Variants in LDLRAD3 observed in about 807,000 individuals in gnomAD.
LDLRAD3 encodes the protein low-density lipoprotein receptor class A domain-containing protein 3.
LDLRAD3 carries 20 observed loss-of-function variants against 29.4 expected under a neutral mutation model. That is an observed-to-expected ratio of 0.68 (90% CI 0.48 to 0.99). The LOEUF (loss-of-function observed/expected upper bound fraction) is 0.99. LDLRAD3 is among the 50% of genes least tolerant of loss of function. The probability of loss-of-function intolerance (pLI) is 0.00; values close to 1 mark genes in which losing one functional copy is unlikely to be tolerated. For synonymous variants in LDLRAD3, 157 were observed against 192.7 expected (o/e 0.81, Z 1.53); for missense variants, 420 against 454.3 (o/e 0.92, Z 0.69).
intron 2 of LDLRAD3, among the ~76,000 whole-genome samples, chr11:36,058,413 G>A (rs1041700714): frequency 1.2e-4 from 19 of 152,124 alleles, no homozygotes; most frequent in Non-Finnish European, 2.1e-4. Flanking sequence ...ATAGGTCTGC[G>A]TCTCTGTCAG....
intron 1 of LDLRAD3, among the ~76,000 whole-genome samples, chr11:35,957,811 A>AG (rs1487060564): frequency 0.018 from 2,597 of 142,618 alleles, 80 homozygotes; most frequent in African/African-American, 0.066. Flanking sequence ...AAAAAAAAAA[A>AG]AAAAGAAAAG....
At chr11:35,980,782 T>C (rs1478367450) in intron 1 of LDLRAD3, among the ~76,000 whole-genome samples, 1 of 152,246 alleles carries the variant, frequency 6.6e-6, no homozygotes, top group African/African-American at 2.4e-5. Context: ...TGAGAGTTTC[T>C]ACTTAGAGGT....
intron 3 of LDLRAD3, among the ~76,000 whole-genome samples, chr11:36,088,132 G>A (rs1436332554): frequency 2.6e-5 from 4 of 152,092 alleles, no homozygotes; most frequent in Non-Finnish European, 5.9e-5. Flanking sequence ...TGGAATTACA[G>A]GTGTGAGCCA....
chr11:36,020,035 C>A (rs1852075778), intron 1 of LDLRAD3, among the ~76,000 whole-genome samples: 1 of 152,152 alleles, frequency 6.6e-6, no homozygotes, highest in Non-Finnish European at 1.5e-5. Flanking sequence ...GCAGCTGTGT[C>A]AGATGATGCT....
chr11:36,226,316 G>C (rs1855497942), intron 4 of LDLRAD3, among the ~76,000 whole-genome samples: 1 of 152,142 alleles, frequency 6.6e-6, no homozygotes, highest in Non-Finnish European at 1.5e-5. Context: ...AGGAGTTCCT[G>C]CTGTTAGCCT....
At chr11:36,180,268 C>CT (rs1295114156) in intron 4 of LDLRAD3, among the ~76,000 whole-genome samples, 4 of 151,874 alleles carry the variant, frequency 2.6e-5, no homozygotes, top group Admixed American at 2.0e-4. Context: ...GCCCAGAGGA[C>CT]CTGAGTTGCA....
At chr11:35,951,088 T>C (rs555898035) in intron 1 of LDLRAD3, among the ~76,000 whole-genome samples, 1 of 151,382 alleles carries the variant, frequency 6.6e-6, no homozygotes, top group Admixed American at 6.6e-5. Context: ...TCTCAAAAAA[T>C]AAAAAATTAA....
chr11:36,110,408 G>T (rs372535331), intron 4 of LDLRAD3, among the ~76,000 whole-genome samples: 3 of 152,198 alleles, frequency 2.0e-5, no homozygotes, highest in East Asian at 3.9e-4. Flanking sequence ...ACCTGGCAGA[G>T]TGTGATTCCT....
At chr11:36,158,515 A>C in intron 4 of LDLRAD3, among the ~76,000 whole-genome samples, 4 of 107,700 alleles carry the variant, frequency 3.7e-5, no homozygotes, top group Admixed American at 2.0e-4. Flanking sequence ...TCCACTTACC[A>C]TGTTCTGGGC....
chr11:36,210,853 T>C (rs1037623588), intron 4 of LDLRAD3, among the ~76,000 whole-genome samples: 1 of 152,238 alleles, frequency 6.6e-6, no homozygotes, highest in Non-Finnish European at 1.5e-5. Flanking sequence ...AGCTTACTTC[T>C]ACAGATAACA....
intron 4 of LDLRAD3, among the ~76,000 whole-genome samples, chr11:36,099,211 T>A (rs1269033339): frequency 6.6e-6 from 1 of 152,162 alleles, no homozygotes; most frequent in Non-Finnish European, 1.5e-5. Flanking sequence ...GATGGGAAGA[T>A]GAGCTTTGTT....
intron 1 of LDLRAD3, among the ~76,000 whole-genome samples, chr11:35,945,021 C>G (rs930954772): frequency 3.9e-5 from 6 of 152,220 alleles, no homozygotes; most frequent in African/African-American, 1.4e-4. Flanking sequence ...GCCCGCCGCC[C>G]ACAGCTGTCA....
chr11:36,195,518 A>T (rs952889269), intron 4 of LDLRAD3, among the ~76,000 whole-genome samples: 1 of 152,166 alleles, frequency 6.6e-6, no homozygotes, highest in Non-Finnish European at 1.5e-5. Context: ...CCTTTTGAAC[A>T]TTCAAGTAGC....
chr11:36,034,952 A>G (rs867758728), intron 1 of LDLRAD3, among the ~76,000 whole-genome samples: 3 of 152,304 alleles, frequency 2.0e-5, no homozygotes, highest in Middle Eastern at 3.4e-3. Flanking sequence ...AGGTTTATGA[A>G]AGAGAATCAG....
chr11:36,043,728 A>T (rs1007448892), intron 2 of LDLRAD3, among the ~76,000 whole-genome samples: 13 of 152,170 alleles, frequency 8.5e-5, no homozygotes, highest in African/African-American at 9.7e-5. Context: ...TATGAGTGAG[A>T]TGTCCGGTTT....
intron 4 of LDLRAD3, among the ~76,000 whole-genome samples, chr11:36,100,067 G>A (rs964211400): frequency 1.3e-5 from 2 of 152,044 alleles, no homozygotes; most frequent in Non-Finnish European, 2.9e-5. Flanking sequence ...TGGTGTCGGT[G>A]GGCCCAGCCA....
chr11:35,954,239 G>T (rs2133128087), intron 1 of LDLRAD3, among the ~76,000 whole-genome samples: 1 of 152,272 alleles, frequency 6.6e-6, no homozygotes, highest in African/African-American at 2.4e-5. Context: ...GTCAGAGATG[G>T]TACAAAATAT....
intron 1 of LDLRAD3, among the ~76,000 whole-genome samples, chr11:36,013,363 A>G (rs914252317): frequency 6.6e-6 from 1 of 152,120 alleles, no homozygotes; most frequent in Non-Finnish European, 1.5e-5. Flanking sequence ...ATAGGTATAC[A>G]TGTGCCATGG....
chr11:36,172,596 G>GT (rs1854613238), intron 4 of LDLRAD3, among the ~76,000 whole-genome samples: 1 of 152,018 alleles, frequency 6.6e-6, no homozygotes, highest in African/African-American at 2.4e-5. Flanking sequence ...TATGATTTTT[G>GT]TTTTTGATTT....
Sources: gnomAD v4.1 joint callset for allele counts (sites outside exome capture counted in the v4.1 genomes callset) on GRCh38, gnomAD v4.1.1 for gene constraint, MANE v1.5 for transcripts, NCBI Gene and HGNC (gene_info 2026-07-23, HGNC 2026-07-21) for gene names.